Variants in GALNT13 observed in about 807,000 individuals in gnomAD.
GALNT13 encodes the protein polypeptide N-acetylgalactosaminyltransferase 13, also known as UDP-GalNAc:polypeptide N-acetylgalactosaminyltransferase 13.
GALNT13 carries 28 observed loss-of-function variants against 64.2 expected under a neutral mutation model. The ratio of observed to expected loss-of-function variants is 0.44; its 90% CI spans 0.32 to 0.60. The LOEUF is 0.60. Among genes scored for constraint, GALNT13 ranks in the 20% least tolerant of loss-of-function variants. The pLI, the probability that GALNT13 is intolerant of heterozygous loss-of-function variation, is 0.05. For synonymous variants in GALNT13, 214 were observed against 224.6 expected (o/e 0.95, Z 0.42); for missense variants, 577 against 669.8 (o/e 0.86, Z 1.53).
chr2:153,782,369 C>T, the GALNT13 span, among the ~76,000 whole-genome samples: 1 of 152,140 alleles, frequency 6.6e-6, no homozygotes, highest in Non-Finnish European at 1.5e-5. Flanking sequence ...GCCTATTCCT[C>T]CTAGGGTATA....
chr2:154,114,190 G>T (rs1703148314), intron 3 of GALNT13, among the ~76,000 whole-genome samples: 1 of 152,084 alleles, frequency 6.6e-6, no homozygotes, highest in South Asian at 2.1e-4. Flanking sequence ...CTAGGTAGAG[G>T]CAGCTCTAAT....
the GALNT13 span, among the ~76,000 whole-genome samples, chr2:153,301,175 G>A: frequency 6.6e-6 from 1 of 151,738 alleles, no homozygotes; most frequent in South Asian, 2.1e-4. Context: ...CAGCCTGAGC[G>A]ACCGGAGTGA....
chr2:153,611,679 CTTTTTTTTTTTTTTTT>C, the GALNT13 span, among the ~76,000 whole-genome samples: 49 of 104,398 alleles, frequency 4.7e-4, 1 homozygote, highest in African/African-American at 1.7e-3. Flanking sequence ...ACATTTTTAC[CTTTTTTTTTTTTTTTT>C]TTTTTTTTTT....
chr2:153,172,425 C>T, the GALNT13 span, among the ~76,000 whole-genome samples: 1 of 152,074 alleles, frequency 6.6e-6, no homozygotes, highest in Non-Finnish European at 1.5e-5. Context: ...GATGAAGAGA[C>T]TCTGTATTAA....
At chr2:153,488,020 A>G in the GALNT13 span, among the ~76,000 whole-genome samples, 38 of 152,324 alleles carry the variant, frequency 2.5e-4, 1 homozygote, top group African/African-American at 9.1e-4. Context: ...GGAACAGCAT[A>G]AAGTCTTATA....
chr2:153,884,051 T>G (rs1054547940), intron 1 of GALNT13, among the ~76,000 whole-genome samples: 19 of 151,876 alleles, frequency 1.3e-4, no homozygotes, highest in Admixed American at 9.2e-4. Flanking sequence ...AGGTTAGGGA[T>G]TGGAATAGTA....
chr2:154,417,337 T>C (rs1200403472), intron 11 of GALNT13, among the ~76,000 whole-genome samples: 1 of 147,362 alleles, frequency 6.8e-6, no homozygotes. Flanking sequence ...CAGGATAAAA[T>C]TGGCATTGTT....
chr2:153,418,187 AGAGGTCAGT>A, the GALNT13 span, among the ~76,000 whole-genome samples: 106 of 152,328 alleles, frequency 7.0e-4, no homozygotes, highest in Admixed American at 2.7e-3. Flanking sequence ...TGACAGAAGC[AGAGGTCAGT>A]GAGGTAATAT....
At chr2:153,626,157 G>C in the GALNT13 span, among the ~76,000 whole-genome samples, 1 of 152,022 alleles carries the variant, frequency 6.6e-6, no homozygotes, top group African/African-American at 2.4e-5. Context: ...TTGGTTCCCA[G>C]ATACAGACAA....
At chr2:153,495,783 T>C in the GALNT13 span, among the ~76,000 whole-genome samples, 2 of 152,212 alleles carry the variant, frequency 1.3e-5, no homozygotes, top group Non-Finnish European at 2.9e-5. Context: ...AATGGGACCA[T>C]GACACTTTTG....
At chr2:154,027,089 A>G (rs558759826) in intron 3 of GALNT13, among the ~76,000 whole-genome samples, 1 of 152,310 alleles carries the variant, frequency 6.6e-6, no homozygotes, top group East Asian at 1.9e-4. Flanking sequence ...ATTCAAAAGT[A>G]TTAAATGATA....
intron 3 of GALNT13, among the ~76,000 whole-genome samples, chr2:154,093,660 A>G (rs1574487596): frequency 7.1e-6 from 1 of 140,760 alleles, no homozygotes. Flanking sequence ...ATTTTGCCAC[A>G]CATTATTTCT....
chr2:153,640,109 A>AACC, the GALNT13 span, among the ~76,000 whole-genome samples: 1 of 152,116 alleles, frequency 6.6e-6, no homozygotes, highest in South Asian at 2.1e-4. Flanking sequence ...GGAGGTTGGA[A>AACC]AAAGAAGTTT....
At chr2:153,129,489 A>G in the GALNT13 span, among the ~76,000 whole-genome samples, 2 of 152,142 alleles carry the variant, frequency 1.3e-5, no homozygotes, top group African/African-American at 4.8e-5. Context: ...ATAAGAACCA[A>G]TTAGGCTGGG....
At chr2:153,598,535 G>A in the GALNT13 span, among the ~76,000 whole-genome samples, 1 of 151,806 alleles carries the variant, frequency 6.6e-6, no homozygotes, top group African/African-American at 2.4e-5. Context: ...TTATTTATAT[G>A]ATAGCTGCAT....
At chr2:154,016,577 C>T (rs1199170154) in intron 3 of GALNT13, among the ~76,000 whole-genome samples, 6 of 152,092 alleles carry the variant, frequency 3.9e-5, no homozygotes, top group Non-Finnish European at 7.4e-5. Flanking sequence ...GCCACCATGC[C>T]TGGCTAACTT....
chr2:153,686,681 A>C, the GALNT13 span, among the ~76,000 whole-genome samples: 5 of 151,960 alleles, frequency 3.3e-5, no homozygotes, highest in Non-Finnish European at 7.4e-5. Context: ...TACTATGTTG[A>C]ATAGGAGTGG....
intron 4 of GALNT13, among the ~76,000 whole-genome samples, chr2:154,219,939 G>A (rs909978838): frequency 2.6e-5 from 4 of 151,942 alleles, no homozygotes; most frequent in African/African-American, 7.2e-5. Flanking sequence ...CCTAATTTCC[G>A]GTAAATGAAG....
chr2:153,627,979 A>G, the GALNT13 span, among the ~76,000 whole-genome samples: 1 of 152,162 alleles, frequency 6.6e-6, no homozygotes, highest in East Asian at 1.9e-4. Flanking sequence ...CTTCCCACCC[A>G]TGAGCATGGA....
Sources: allele counts gnomAD v4.1 joint callset (sites outside exome capture counted in the v4.1 genomes callset), GRCh38; gene constraint gnomAD v4.1.1; transcripts MANE v1.5; gene names NCBI Gene and HGNC (gene_info 2026-07-23, HGNC 2026-07-21).